FXYD5: variants seen among roughly 807,000 people sequenced by gnomAD.
FXYD5 encodes FXYD domain containing ion transport regulator 5.
A neutral mutation model predicts 25.7 loss-of-function variants in FXYD5; 21 were observed. That is an observed-to-expected ratio of 0.82 (90% CI 0.58 to 1.18). FXYD5 has a LOEUF of 1.18. FXYD5 is among the 50% of genes most tolerant of loss of function. FXYD5 has a pLI of 0.00. For missense variants in FXYD5, 229 were observed against 227.7 expected (o/e 1.01, Z -0.04); for synonymous variants, 101 against 90.7 (o/e 1.11, Z -0.64).
intron 5 of FXYD5, among the ~76,000 whole-genome samples, chr19:35,161,974 C>T (rs2065410382): frequency 6.6e-6 from 1 of 152,184 alleles, no homozygotes; most frequent in Admixed American, 6.5e-5. Flanking sequence ...TTAAAACAAT[C>T]CTACAATGGA....
chr19:35,169,827 G>A lies in FXYD5; in HGVS notation c.*212G>A. Reference sequence around the variant, plus strand: ...AAGGCTACCTGGCGCCTTGGGGGCTGTCCCTCAAGTTATCTCCTCTGCTAA... The same window carrying A: ...AAGGCTACCTGGCGCCTTGGGGGCTATCCCTCAAGTTATCTCCTCTGCTAA... On this transcript the variant is annotated 3_prime_UTR_variant, in exon 9 of 9. Coordinates refer to ENST00000392219, the MANE Select transcript of FXYD5 (RefSeq NM_014164.6). 1 of 580,866 alleles carries A rather than the reference G, an allele frequency of 1.7e-6. No individual in the cohort carries two copies. Among genetic ancestry groups the A allele is most frequent in the East Asian group, 2.9e-5 (1 of 34,742 alleles). 36.0% of individuals were successfully genotyped at this position (580,866 alleles called of 1,614,324 possible). A position where few individuals can be genotyped will look rare whatever the true frequency, so the allele number is the denominator to read the frequency against.
intron 2 of FXYD5, among the ~76,000 whole-genome samples, chr19:35,157,188 G>T (rs2065363545): frequency 6.6e-6 from 1 of 152,268 alleles, no homozygotes; most frequent in Middle Eastern, 3.4e-3. Flanking sequence ...GGGCTCACTA[G>T]ACTAAACTGA....
chr19:35,160,636 G>C lies in FXYD5; in HGVS notation c.200-73G>C, dbSNP rs545347401. ...GCTGGGAATACAGACATAAGCCACCGCGCCCGGCCCCAATTCTCTTTCCCC... is the reference window on the plus strand; with the variant it reads ...GCTGGGAATACAGACATAAGCCACCCCGCCCGGCCCCAATTCTCTTTCCCC... On this transcript the variant is annotated intron_variant, in intron 4 of 8. Coordinates refer to ENST00000392219, the MANE Select transcript of FXYD5 (RefSeq NM_014164.6). 2.9e-6 allele frequency: 3 copies of C among 1,034,160 alleles called. No homozygotes were observed. In the South Asian group the frequency reaches 3.8e-5, roughly 13 times the overall value. The allele number at this position is 1,034,160 out of a possible 1,614,324, so 64.1% of individuals were successfully genotyped here. A position where few individuals can be genotyped will look rare whatever the true frequency, so the allele number is the denominator to read the frequency against.
At chr19:35,157,587 AT>A (rs1404269313) in intron 3 of FXYD5, 86 bp downstream of exon 3, 1 of 728,004 alleles carries the variant, frequency 1.4e-6, no homozygotes, top group Non-Finnish European at 2.5e-6. Flanking sequence ...AAACAAGGGA[AT>A]TTATGGATTT....
At chr19:35,158,903 G>A (rs982004258) in intron 4 of FXYD5, among the ~76,000 whole-genome samples, 2 of 152,028 alleles carry the variant, frequency 1.3e-5, no homozygotes, top group African/African-American at 4.8e-5. Context: ...AAGGTGGATG[G>A]ATCACTTGAG....
At chr19:35,162,592 A>T (rs10410144) in intron 5 of FXYD5, among the ~76,000 whole-genome samples, 1,551 of 152,098 alleles carry the variant, frequency 0.01, 30 homozygotes, top group African/African-American at 0.036. Flanking sequence ...GTGTCTTCTT[A>T]TAAGGGCACT....
At chr19:35,161,806 A>T (rs1688007) in intron 5 of FXYD5, among the ~76,000 whole-genome samples, 3 of 152,114 alleles carry the variant, frequency 2.0e-5, no homozygotes, top group East Asian at 1.9e-4. Context: ...AGTGTTGTAG[A>T]GTAGGCCACT....
intron 2 of FXYD5, among the ~76,000 whole-genome samples, chr19:35,156,042 GA>G (rs2145408127): frequency 6.6e-6 from 1 of 152,346 alleles, no homozygotes; most frequent in East Asian, 1.9e-4. Context: ...AGTGTCTCCT[GA>G]AAGATGGGAA....
intron 3 of FXYD5, 51 bp from the exon 4 acceptor site, chr19:35,158,293 T>A (rs2065374741): frequency 1.6e-6 from 2 of 1,257,220 alleles, no homozygotes; most frequent in East Asian, 4.6e-5. Flanking sequence ...CCTTGCCCAC[T>A]TCTTTTTCTC....
At position 35,165,755 on chromosome 19, in the gene FXYD5, A is replaced by G. The variant is rs571365589; in HGVS notation, c.383-387A>G. ...GATTTGGGGACATTTTGGATTTTGGATTTGGGGATTAGGGATAGTCAACCT... is the reference window on the plus strand; with the variant it reads ...GATTTGGGGACATTTTGGATTTTGGGTTTGGGGATTAGGGATAGTCAACCT... On this transcript the variant is annotated intron_variant, in intron 6 of 8. Transcript: ENST00000392219. Among the ~76,000 whole-genome samples the G allele has an allele frequency of 3.3e-5, 5 of 152,044 alleles. No individual in the cohort carries two copies. In the East Asian group the frequency reaches 9.7e-4, roughly 29 times the overall value.
At chr19:35,156,095 G>C (rs2065352840) in intron 2 of FXYD5, among the ~76,000 whole-genome samples, 1 of 152,180 alleles carries the variant, frequency 6.6e-6, no homozygotes, top group Admixed American at 6.5e-5. Context: ...TGGCAGGTGT[G>C]GTGTGTGTTA....
intron 2 of FXYD5, among the ~76,000 whole-genome samples, chr19:35,156,588 C>G (rs1254802821): frequency 6.6e-6 from 1 of 152,124 alleles, no homozygotes; most frequent in Non-Finnish European, 1.5e-5. Flanking sequence ...AGGGAATGAG[C>G]TTTGCAGGTG....
rs749659420 is a variant in FXYD5, at chr19:35,155,488, G to A, written c.1-63G>A. Reference sequence around the variant, plus strand: ...CAGGGAAAGGGCTGCAGGATCCCCGGGGGCTGCCGGAGGTCGGTCTCACTG... The same window carrying A: ...CAGGGAAAGGGCTGCAGGATCCCCGAGGGCTGCCGGAGGTCGGTCTCACTG... On this transcript the variant is annotated intron_variant, in intron 1 of 8. Coordinates refer to ENST00000392219, the MANE Select transcript of FXYD5 (RefSeq NM_014164.6). 79 of 1,338,542 alleles carry A rather than the reference G, an allele frequency of 5.9e-5. 1 individual carries two copies. The highest frequency in any genetic ancestry group is 1.8e-4 in the Middle Eastern group (1 of 5,554). The allele number at this position is 1,338,542 out of a possible 1,614,324, so 82.9% of individuals were successfully genotyped here.
intron 8 of FXYD5, among the ~76,000 whole-genome samples, chr19:35,167,010 C>A (rs940051422): frequency 6.6e-6 from 1 of 152,220 alleles, no homozygotes; most frequent in African/African-American, 2.4e-5. Context: ...CCTCATGGAA[C>A]AACCCCACCC....
intron 6 of FXYD5, among the ~76,000 whole-genome samples, 181 bp from the exon 7 acceptor site, chr19:35,165,961 G>A (rs1286254863): frequency 2.0e-5 from 3 of 152,144 alleles, no homozygotes; most frequent in African/African-American, 7.2e-5. Context: ...TGCAGGGAGT[G>A]AGGGGGATAG....
At chr19:35,162,080 T>C (rs1006697562) in intron 5 of FXYD5, among the ~76,000 whole-genome samples, 1 of 152,240 alleles carries the variant, frequency 6.6e-6, no homozygotes, top group East Asian at 1.9e-4. Context: ...CACTTATCAA[T>C]GATAAAGCAT....
intron 2 of FXYD5, among the ~76,000 whole-genome samples, chr19:35,156,606 G>C (rs533224584): frequency 4.5e-4 from 69 of 152,332 alleles, no homozygotes; most frequent in African/African-American, 1.6e-3. Context: ...GTGTCTGGGG[G>C]CTGAGTGTTG....
Position 35,155,555 on chromosome 19 carries a change from C to G in FXYD5, c.5C>G (p.Ser2Trp), listed in dbSNP as rs1383476391. ...CAGCATCGCCTGGTCCCACAGATGTCGCCCTCTGGTCGCCTGTGTCTTCTC... is the reference window on the plus strand; with the variant it reads ...CAGCATCGCCTGGTCCCACAGATGTGGCCCTCTGGTCGCCTGTGTCTTCTC... M[S>W]PSGRLCLLTI... The change falls in exon 2 of 9, where the codon TCG becomes TGG. Residue 2 changes from serine to tryptophan, a missense_variant. Transcript: ENST00000392219. 1.2e-6 allele frequency: 2 copies of G among 1,609,798 alleles called. No individual in the cohort carries two copies. The highest frequency in any genetic ancestry group is 2.7e-5 in the African/African-American group (2 of 75,036).
intron 8 of FXYD5, 60 bp downstream of exon 8, chr19:35,166,385 G>C: frequency 8.8e-7 from 1 of 1,133,458 alleles, no homozygotes. Flanking sequence ...TATGACGGAG[G>C]GCTGGGTTCT....
Sources: gnomAD v4.1 joint callset for allele counts (sites outside exome capture counted in the v4.1 genomes callset) on GRCh38, gnomAD v4.1.1 for gene constraint, MANE v1.5 for transcripts, NCBI Gene and HGNC (gene_info 2026-07-23, HGNC 2026-07-21) for gene names.